Variants in UNC13C observed in about 807,000 individuals in gnomAD.
The protein encoded by UNC13C is protein unc-13 homolog C.
Under a neutral mutation model 245.4 loss-of-function variants are expected in UNC13C, and 174 were observed. The observed-to-expected ratio is 0.71, with a 90% CI of 0.63 to 0.80. UNC13C has a LOEUF of 0.80. UNC13C is among the 30% of genes least tolerant of loss of function. The pLI, the probability that UNC13C is intolerant of heterozygous loss-of-function variation, is 0.00. For synonymous variants in UNC13C, 992 were observed against 895.1 expected (o/e 1.11, Z -1.93); for missense variants, 2,829 against 2,602.9 (o/e 1.09, Z -1.89).
chr15:54,527,863 A>G (rs1895545734), intron 25 of UNC13C, among the ~76,000 whole-genome samples: 1 of 152,100 alleles, frequency 6.6e-6, no homozygotes, highest in African/African-American at 2.4e-5. Context: ...CCTTGTTGCT[A>G]TGTTGCTGTG....
At chr15:54,321,475 C>G in intron 13 of UNC13C, 2 of 485,940 alleles carry the variant, frequency 4.1e-6, no homozygotes, top group Non-Finnish European at 8.2e-6. Flanking sequence ...TGGCTACATC[C>G]ACCTCCTCCA....
intron 2 of UNC13C, among the ~76,000 whole-genome samples, chr15:54,021,453 C>T (rs894984515): frequency 2.6e-5 from 4 of 152,190 alleles, no homozygotes; most frequent in Admixed American, 2.6e-4. Context: ...TACTTTTCTT[C>T]CTGTGCCTGA....
At chr15:54,211,886 G>A (rs997713460) in intron 4 of UNC13C, among the ~76,000 whole-genome samples, 1 of 152,062 alleles carries the variant, frequency 6.6e-6, no homozygotes, top group Non-Finnish European at 1.5e-5. Context: ...TATCATTATT[G>A]ATGCCAAAGT....
At chr15:54,532,863 A>G in intron 25 of UNC13C, 54 bp from the exon 26 acceptor site, 1 of 1,214,298 alleles carries the variant, frequency 8.2e-7, no homozygotes, top group Non-Finnish European at 1.2e-6. Flanking sequence ...AAATTGGAAC[A>G]GGCTCAGGCA....
chr15:54,317,108 A>C (rs1040933815), intron 13 of UNC13C, among the ~76,000 whole-genome samples: 1 of 152,014 alleles, frequency 6.6e-6, no homozygotes, highest in Non-Finnish European at 1.5e-5. Context: ...ATAAATTATA[A>C]TACTAATTCT....
In UNC13C at chr15:54,166,426, A is replaced by T. The variant is rs115367173; in HGVS notation, c.3071+22742A>T. Among the ~76,000 whole-genome samples, 336 of 151,828 alleles carry T rather than the reference A, an allele frequency of 2.2e-3. 2 individuals are homozygous for T. Among genetic ancestry groups the T allele is most frequent in the African/African-American group, 7.7e-3 (321 of 41,518 alleles). On this transcript the variant is annotated intron_variant, in intron 4 of 32. Coordinates refer to ENST00000260323, the MANE Select transcript of UNC13C (RefSeq NM_001080534.3). ...TATTATTATGTACAAAATTATATATATTTGTAACCAAATTGTGTTTAGTTA... is the reference window on the plus strand; with the variant it reads ...TATTATTATGTACAAAATTATATATTTTTGTAACCAAATTGTGTTTAGTTA...
chr15:54,170,502 TGA>T (rs920300045), intron 4 of UNC13C, among the ~76,000 whole-genome samples: 42 of 152,172 alleles, frequency 2.8e-4, no homozygotes, highest in Non-Finnish European at 8.8e-5. Context: ...CGTGTGGTAC[TGA>T]GAGACTGTCA....
intron 2 of UNC13C, among the ~76,000 whole-genome samples, chr15:54,018,820 T>TA (rs1470042980): frequency 6.6e-6 from 1 of 152,212 alleles, no homozygotes; most frequent in African/African-American, 2.4e-5. Context: ...TCTTTTTTTT[T>TA]AATCCTTTAA....
chr15:54,459,086 C>T (rs181641457), intron 19 of UNC13C, among the ~76,000 whole-genome samples: 9 of 152,088 alleles, frequency 5.9e-5, no homozygotes, highest in East Asian at 3.9e-4. Context: ...GTAGTGCTGG[C>T]GTGGTAGTGG....
the UNC13C span, among the ~76,000 whole-genome samples, chr15:53,897,092 A>C: frequency 6.6e-6 from 1 of 152,180 alleles, no homozygotes; most frequent in East Asian, 1.9e-4. Flanking sequence ...CCCTCACTTC[A>C]TAATACCTTA....
intron 19 of UNC13C, among the ~76,000 whole-genome samples, chr15:54,445,293 T>C (rs1291575832): frequency 2.0e-5 from 3 of 152,206 alleles, no homozygotes; most frequent in African/African-American, 7.2e-5. Context: ...CATGTGTCTC[T>C]GTAGCAGCAT....
At chr15:54,229,303 G>T (rs1461518460) in intron 4 of UNC13C, among the ~76,000 whole-genome samples, 1 of 152,122 alleles carries the variant, frequency 6.6e-6, no homozygotes. Context: ...GTGATATGAA[G>T]TTAAAACCAA....
At chr15:54,588,090 A>G (rs955247858) in intron 30 of UNC13C, among the ~76,000 whole-genome samples, 5 of 152,146 alleles carry the variant, frequency 3.3e-5, no homozygotes, top group Non-Finnish European at 7.4e-5. Flanking sequence ...ATGATAGAGA[A>G]TGGGTAGGAC....
intron 2 of UNC13C, among the ~76,000 whole-genome samples, chr15:54,058,660 A>G (rs1897655356): frequency 6.6e-6 from 1 of 152,212 alleles, no homozygotes; most frequent in South Asian, 2.1e-4. Flanking sequence ...CACAACCAAA[A>G]TAGAGAATTT....
intron 19 of UNC13C, among the ~76,000 whole-genome samples, chr15:54,444,500 G>A (rs191570730): frequency 1.3e-3 from 192 of 151,620 alleles, no homozygotes; most frequent in African/African-American, 4.3e-3. Context: ...TATCTTTTAC[G>A]TAGGAAAATT....
chr15:54,133,238 A>G (rs1268265089), intron 2 of UNC13C, among the ~76,000 whole-genome samples: 2 of 152,108 alleles, frequency 1.3e-5, no homozygotes, highest in African/African-American at 4.8e-5. Context: ...GGGAGATGAC[A>G]TGTTTCCGTA....
intron 2 of UNC13C, among the ~76,000 whole-genome samples, chr15:54,104,689 T>G (rs200727624): frequency 1.4e-5 from 1 of 73,116 alleles, no homozygotes; most frequent in East Asian, 3.7e-4. Flanking sequence ...ATATTTACAG[T>G]TTTTTTTTTA....
At chr15:53,987,919 G>T (rs971350795) in intron 1 of UNC13C, among the ~76,000 whole-genome samples, 13 of 151,922 alleles carry the variant, frequency 8.6e-5, no homozygotes, top group Non-Finnish European at 4.4e-5. Context: ...GTTTCTTCTG[G>T]GTTAATTACA....
At chr15:54,185,112 G>T (rs1349811578) in intron 4 of UNC13C, among the ~76,000 whole-genome samples, 3 of 152,086 alleles carry the variant, frequency 2.0e-5, no homozygotes, top group South Asian at 2.1e-4. Context: ...TTTTGACGGG[G>T]TTGTTTGTTT....
Sources: gnomAD v4.1 joint callset for allele counts (sites outside exome capture counted in the v4.1 genomes callset) on GRCh38, gnomAD v4.1.1 for gene constraint, MANE v1.5 for transcripts, NCBI Gene and HGNC (gene_info 2026-07-23, HGNC 2026-07-21) for gene names.